The following USP10 variants were observed in gnomAD, a reference collection of about 807,000 sequenced individuals.
The protein encoded by USP10 is ubiquitin specific peptidase 10.
In USP10, 22 loss-of-function variants were observed where a neutral mutation model predicts 84.5. The ratio of observed to expected loss-of-function variants is 0.26; its 90% confidence interval spans 0.19 to 0.37. The LOEUF is 0.37. Ranked by LOEUF, USP10 falls within the 10% of genes least tolerant of loss-of-function variation. The probability of loss-of-function intolerance (pLI) is 1.00; values close to 1 mark genes in which losing one functional copy is unlikely to be tolerated. For missense variants in USP10, 1,019 were observed against 998.9 expected (o/e 1.02, Z -0.27); for synonymous variants, 454 against 387.6 (o/e 1.17, Z -2.01).
chr16:84,705,052 T>C (rs1905298261), intron 1 of USP10, among the ~76,000 whole-genome samples: 1 of 152,246 alleles, frequency 6.6e-6, no homozygotes, highest in South Asian at 2.1e-4. Flanking sequence ...GGCTTGTGTG[T>C]ACAGCCTTAT....
intron 1 of USP10, chr16:84,704,897 T>TA: frequency 6.5e-7 from 1 of 1,535,706 alleles, no homozygotes; most frequent in East Asian, 2.4e-5. Flanking sequence ...TTGGGGCTGT[T>TA]ACAGCCTGAA....
chr16:84,712,100 T>G (rs1045162642), intron 1 of USP10, among the ~76,000 whole-genome samples: 1 of 152,170 alleles, frequency 6.6e-6, no homozygotes, highest in African/African-American at 2.4e-5. Flanking sequence ...AAACATAGAC[T>G]TAAGTTAGCA....
intron 1 of USP10, among the ~76,000 whole-genome samples, chr16:84,703,552 C>G (rs1327193054): frequency 6.6e-6 from 1 of 152,206 alleles, no homozygotes; most frequent in African/African-American, 2.4e-5. Flanking sequence ...AGTGTTAATT[C>G]TTAAAAGAGA....
chr16:84,735,030 C>T (rs1909716328), intron 2 of USP10, among the ~76,000 whole-genome samples: 1 of 151,808 alleles, frequency 6.6e-6, no homozygotes, highest in Non-Finnish European at 1.5e-5. Flanking sequence ...TCTATTTTTT[C>T]TTTTCTTTTC....
At chr16:84,720,522 A>T (rs376706246) in intron 1 of USP10, among the ~76,000 whole-genome samples, 70 of 151,590 alleles carry the variant, frequency 4.6e-4, no homozygotes, top group African/African-American at 1.5e-3. Context: ...CAGAGGCTTC[A>T]GAGTGGTGCA....
chr16:84,735,196 G>T (rs961904748), intron 2 of USP10, among the ~76,000 whole-genome samples: 1 of 146,264 alleles, frequency 6.8e-6, no homozygotes, highest in Non-Finnish European at 1.5e-5. Context: ...AGGCCCGGGT[G>T]GTGTGTGTGT....
At chr16:84,754,991 A>AC (rs936171247) in intron 4 of USP10, among the ~76,000 whole-genome samples, 4 of 76,708 alleles carry the variant, frequency 5.2e-5, no homozygotes, top group African/African-American at 1.6e-4. Context: ...TTGTCCCAGA[A>AC]AAAAAAAAAA....
At chr16:84,739,357 C>T (rs1567616841) in intron 2 of USP10, among the ~76,000 whole-genome samples, 1 of 152,116 alleles carries the variant, frequency 6.6e-6, no homozygotes, top group African/African-American at 2.4e-5. Flanking sequence ...CTGCAACCTC[C>T]ATCCCCCAGG....
intron 1 of USP10, among the ~76,000 whole-genome samples, chr16:84,730,297 C>T (rs1341698930): frequency 6.6e-6 from 1 of 151,782 alleles, no homozygotes; most frequent in East Asian, 1.9e-4. Context: ...TTTTTTACAC[C>T]GAGAGTGCTT....
At chr16:84,771,706 T>G (rs112359372) in intron 11 of USP10, among the ~76,000 whole-genome samples, 195 of 152,062 alleles carry the variant, frequency 1.3e-3, no homozygotes, top group African/African-American at 4.5e-3. Context: ...CCTTCTTTAC[T>G]AAAAATACAA....
intron 13 of USP10, among the ~76,000 whole-genome samples, chr16:84,775,606 C>T (rs917744474): frequency 3.9e-5 from 6 of 152,146 alleles, no homozygotes; most frequent in African/African-American, 1.2e-4. Context: ...GTTGGGTGAG[C>T]GCGCCCCCAG....
In USP10 at chr16:84,745,413, A is replaced by C. The variant is rs1355904414; in HGVS notation, c.932A>C (p.Asp311Ala). The change falls in exon 4 of 14, where the codon GAC (aspartate) becomes GCC (alanine). Residue 311 changes from aspartate (D) to alanine (A), a missense_variant. Asp to Ala is a moderately radical substitution (Grantham distance 126, BLOSUM62 -2). Coordinates refer to ENST00000219473, the MANE Select transcript of USP10 (RefSeq NM_005153.3). Reference protein sequence around the residue: ...GVELHTTESIDLDPTKPESAS... With the variant: ...GVELHTTESIALDPTKPESAS... The stretch of plus-strand genomic sequence containing the variant: ...GAGTTGCACACCACGGAAAGCATAG[A>C]CTTGGACCCAACCAAACCCGAGAGT... The C allele has an allele frequency of 6.2e-7, 1 of 1,613,700 alleles. No homozygotes were observed. Among genetic ancestry groups the C allele is most frequent in the Admixed American group, 1.7e-5 (1 of 60,016 alleles).
chr16:84,721,143 G>A (rs143465900), intron 1 of USP10, among the ~76,000 whole-genome samples: 1 of 151,576 alleles, frequency 6.6e-6, no homozygotes, highest in Non-Finnish European at 1.5e-5. Flanking sequence ...CCACCTGCCT[G>A]GGCCTCCCAA....
chr16:84,772,749 C>A (rs904801363), intron 12 of USP10, 64 bp downstream of exon 12: 7 of 1,580,778 alleles, frequency 4.4e-6, no homozygotes, highest in African/African-American at 2.7e-5. Flanking sequence ...GAAGCTCAAC[C>A]CTGTAGCATT....
chr16:84,729,319 G>C (rs530983465), intron 1 of USP10, among the ~76,000 whole-genome samples: 51 of 152,240 alleles, frequency 3.3e-4, no homozygotes, highest in African/African-American at 1.1e-3. Flanking sequence ...AATGTGCATT[G>C]CAATTCTAAG....
intron 4 of USP10, among the ~76,000 whole-genome samples, chr16:84,752,639 T>C (rs1266336995): frequency 2.0e-5 from 3 of 152,240 alleles, no homozygotes; most frequent in African/African-American, 7.2e-5. Context: ...AAGACCTGAC[T>C]TTTGCATGAT....
At chr16:84,728,443 G>C (rs529384501) in intron 1 of USP10, among the ~76,000 whole-genome samples, 2 of 151,654 alleles carry the variant, frequency 1.3e-5, no homozygotes, top group African/African-American at 2.4e-5. Flanking sequence ...CGGTTCAAGC[G>C]ATTCCCCTGC....
chr16:84,777,659 C>A (rs11644667), intron 13 of USP10, among the ~76,000 whole-genome samples: 1 of 152,128 alleles, frequency 6.6e-6, no homozygotes, highest in East Asian at 1.9e-4. Context: ...GACTGGTGGC[C>A]TCAGTCATAA....
rs41422347 is a variant in USP10, at chr16:84,717,210, T to C, written c.22-16225T>C. Among the ~76,000 whole-genome samples, 553 of 151,998 alleles carry C rather than the reference T, an allele frequency of 3.6e-3. 1 individual carries two copies. The highest frequency in any genetic ancestry group is 0.013 in the African/African-American group (528 of 41,448). On this transcript the variant is annotated intron_variant, in intron 1 of 13. Coordinates refer to ENST00000219473, the MANE Select transcript of USP10 (RefSeq NM_005153.3). ...CGGGAGCTTCAGAGGGTCTGTGAAG[T>C]TCTGAAATCATACGCAGAAATGTGT...
Sources: allele counts gnomAD v4.1 joint callset (sites outside exome capture counted in the v4.1 genomes callset), GRCh38; gene constraint gnomAD v4.1.1; transcripts MANE v1.5; gene names NCBI Gene and HGNC (gene_info 2026-07-23, HGNC 2026-07-21).